The following ARHGAP18 variants were observed in gnomAD, a reference collection of about 807,000 sequenced individuals.
ARHGAP18 encodes Rho GTPase activating protein 18.
ARHGAP18 carries 67 observed loss-of-function variants against 86.2 expected under a neutral mutation model. The ratio of observed to expected loss-of-function variants is 0.78; its 90% CI spans 0.64 to 0.95. The LOEUF (loss-of-function observed/expected upper bound fraction) is 0.95, where lower values mean the gene tolerates loss of function less well. ARHGAP18 is among the 40% of genes least tolerant of loss of function. The pLI, the probability that ARHGAP18 is intolerant of heterozygous loss-of-function variation, is 0.00. For synonymous variants in ARHGAP18, 283 were observed against 280.4 expected, an observed-to-expected ratio of 1.01 and a Z score of -0.09; for missense variants, 691 against 780.4, an observed-to-expected ratio of 0.89 and a Z score of 1.37.
intron 13 of ARHGAP18, among the ~76,000 whole-genome samples, chr6:129,582,543 A>G (rs1788310482): frequency 6.6e-6 from 1 of 152,184 alleles, no homozygotes; most frequent in African/African-American, 2.4e-5. Context: ...TACTAAGTCA[A>G]GGTAGGGAGC....
intron 1 of ARHGAP18, among the ~76,000 whole-genome samples, chr6:129,692,991 C>G (rs1163006925): frequency 6.6e-6 from 1 of 152,190 alleles, no homozygotes; most frequent in Non-Finnish European, 1.5e-5. Flanking sequence ...CACTTTTGAA[C>G]CACCAAATAG....
chr6:129,686,546 C>T (rs1286419914), intron 1 of ARHGAP18, among the ~76,000 whole-genome samples: 2 of 152,232 alleles, frequency 1.3e-5, no homozygotes, highest in Admixed American at 6.5e-5. Flanking sequence ...CTTGGCTCCT[C>T]ACAGGGCACC....
intron 5 of ARHGAP18, among the ~76,000 whole-genome samples, chr6:129,626,297 G>A (rs188365766): frequency 1.3e-5 from 2 of 151,900 alleles, no homozygotes; most frequent in East Asian, 3.9e-4. Context: ...CAAGGTGGAA[G>A]AAACTGTGCA....
At chr6:129,592,111 A>G (rs1293783579) in intron 12 of ARHGAP18, among the ~76,000 whole-genome samples, 2 of 152,038 alleles carry the variant, frequency 1.3e-5, no homozygotes, top group Non-Finnish European at 2.9e-5. Context: ...TTTTTTTTTA[A>G]TGTGGTATTT....
At chr6:129,693,837 CTTAGAA>C (rs1303588356) in intron 1 of ARHGAP18, among the ~76,000 whole-genome samples, 2 of 152,130 alleles carry the variant, frequency 1.3e-5, no homozygotes, top group Non-Finnish European at 2.9e-5. Flanking sequence ...TCTTAAAGTA[CTTAGAA>C]TTAGAGAGTG....
At chr6:129,630,726 G>A (rs1773184945) in intron 4 of ARHGAP18, among the ~76,000 whole-genome samples, 1 of 152,096 alleles carries the variant, frequency 6.6e-6, no homozygotes, top group South Asian at 2.1e-4. Context: ...CCAGGCATGA[G>A]ACCTGTGCAG....
intron 11 of ARHGAP18, 96 bp from the exon 12 acceptor site, chr6:129,599,452 TAA>T: frequency 8.9e-7 from 1 of 1,125,786 alleles, no homozygotes; most frequent in South Asian, 2.3e-5. Flanking sequence ...TCAAAAACAG[TAA>T]AGAGTTTCTC....
intron 6 of ARHGAP18, among the ~76,000 whole-genome samples, chr6:129,617,587 T>C (rs1386644852): frequency 6.6e-6 from 1 of 152,082 alleles, no homozygotes; most frequent in Non-Finnish European, 1.5e-5. Flanking sequence ...ATAGCCTTGA[T>C]ATAAACAACT....
At position 129,668,483 on chromosome 6, in the gene ARHGAP18, A is replaced by C. The variant is rs755196833; in HGVS notation, c.114-26465T>G. Reference sequence around the variant, plus strand: ...TCTCTTTTAAATCTTTCTAAACCATAAGTCAGTCCCAGGGCAGCCTGGTCC... The same window carrying C: ...TCTCTTTTAAATCTTTCTAAACCATCAGTCAGTCCCAGGGCAGCCTGGTCC... On this transcript the variant is annotated intron_variant, in intron 1 of 14. Coordinates refer to ENST00000368149, the MANE Select transcript of ARHGAP18 (RefSeq NM_033515.3). 7.2e-5 allele frequency among the ~76,000 whole-genome samples: 11 copies of C among 152,010 alleles called. No homozygotes were observed. The East Asian group carries it at 1.2e-3, about 16-fold the overall frequency.
intron 3 of ARHGAP18, among the ~76,000 whole-genome samples, chr6:129,634,462 C>T (rs978085927): frequency 2.0e-5 from 3 of 152,190 alleles, no homozygotes; most frequent in Middle Eastern, 3.4e-3. Context: ...TCTATCTGTA[C>T]AGTGGAATAT....
intron 4 of ARHGAP18, among the ~76,000 whole-genome samples, chr6:129,633,347 A>G (rs2114491426): frequency 6.6e-6 from 1 of 150,894 alleles, no homozygotes; most frequent in African/African-American, 2.4e-5. Context: ...AGGCAGGAGG[A>G]TCACTTGAAT....
chr6:129,616,199 C>T lies in ARHGAP18; in HGVS notation c.1044+13G>A. 14 of 1,601,104 alleles carry T rather than the reference C, an allele frequency of 8.7e-6. No homozygotes were observed. Among genetic ancestry groups the T allele is most frequent in the South Asian group, 1.1e-5 (1 of 88,574 alleles). ...TATGTTCTCTCTATGCTGACCAATC[C>T]AAGCCTACCTACTTTTTGAAAGATC... On this transcript the variant is annotated intron_variant, in intron 7 of 14. Transcript: ENST00000368149.
At chr6:129,611,712 A>C in intron 7 of ARHGAP18, 102 bp from the exon 8 acceptor site, 2 of 912,918 alleles carry the variant, frequency 2.2e-6, no homozygotes, top group Non-Finnish European at 3.4e-6. Context: ...TTACAATGAC[A>C]TGTAAACTGG....
chr6:129,655,463 C>T (rs1773817312), intron 1 of ARHGAP18, among the ~76,000 whole-genome samples: 1 of 152,010 alleles, frequency 6.6e-6, no homozygotes, highest in South Asian at 2.1e-4. Context: ...TGCTGTATCA[C>T]AGCCATGGAA....
At chr6:129,700,023 T>G (rs983415233) in intron 1 of ARHGAP18, among the ~76,000 whole-genome samples, 1 of 152,254 alleles carries the variant, frequency 6.6e-6, no homozygotes, top group East Asian at 1.9e-4. Flanking sequence ...GCACAGAGCT[T>G]AAGAAGAACT....
chr6:129,602,864 A>C (rs980344384), intron 10 of ARHGAP18, among the ~76,000 whole-genome samples: 1 of 152,084 alleles, frequency 6.6e-6, no homozygotes, highest in Non-Finnish European at 1.5e-5. Flanking sequence ...ACGTTACTCA[A>C]AATACTACTA....
chr6:129,638,961 A>G (rs1773390353), intron 2 of ARHGAP18, among the ~76,000 whole-genome samples: 1 of 152,214 alleles, frequency 6.6e-6, no homozygotes, highest in Non-Finnish European at 1.5e-5. Context: ...ATCAAGTTAC[A>G]GAAGGAAGTC....
chr6:129,635,733 A>G (rs1297948183), intron 3 of ARHGAP18, among the ~76,000 whole-genome samples: 1 of 152,224 alleles, frequency 6.6e-6, no homozygotes, highest in African/African-American at 2.4e-5. Context: ...GGCTGGCCCA[A>G]GTTTGCTTGA....
At chr6:129,614,000 A>T (rs914058288) in intron 7 of ARHGAP18, among the ~76,000 whole-genome samples, 4 of 152,194 alleles carry the variant, frequency 2.6e-5, no homozygotes, top group Non-Finnish European at 5.9e-5. Flanking sequence ...GACAGTGAAA[A>T]CACTAGATTT....
Sources: allele counts gnomAD v4.1 joint callset (sites outside exome capture counted in the v4.1 genomes callset), GRCh38; gene constraint gnomAD v4.1.1; transcripts MANE v1.5; gene names NCBI Gene and HGNC (gene_info 2026-07-23, HGNC 2026-07-21).